Variants in DST observed in about 807,000 individuals in gnomAD.
DST encodes bullous pemphigoid antigen.
In DST, 253 loss-of-function variants were observed where a neutral mutation model predicts 875.2. That is an observed-to-expected ratio of 0.29 (90% CI 0.26 to 0.32). The LOEUF (loss-of-function observed/expected upper bound fraction) is 0.32, where lower values mean the gene tolerates loss of function less well. DST is among the 10% of genes least tolerant of loss of function. DST has a pLI of 1.00. For synonymous variants in DST, 3,124 were observed against 3,197.1 expected, an observed-to-expected ratio of 0.98 and a Z score of 0.77; for missense variants, 8,287 against 9,111.6, an observed-to-expected ratio of 0.91 and a Z score of 3.68.
In DST at chr6:56,843,647, C is replaced by T. The variant is rs1213940019; in HGVS notation, c.625+7750G>A. The T allele has an allele frequency of 5.1e-6, 5 of 983,276 alleles. No homozygotes were observed. In the Admixed American group the frequency reaches 1.9e-4, roughly 37 times the overall value. The allele number at this position is 983,276 out of a possible 1,614,324, so 60.9% of individuals were successfully genotyped here. On this transcript the variant is annotated intron_variant, in intron 4 of 103. Transcript: ENST00000680361. ...CCGGGGATGCTGCGCGGCGCATCTG[C>T]GGCATTTCCTGGCCGCCGCGCCGCA...
At position 56,572,193 on chromosome 6, in the gene DST, C is replaced by T. The variant is rs913085222; in HGVS notation, c.13628G>A (p.Ser4543Asn). Residue 4543 changes from serine (S) to asparagine (N), a missense_variant, in exon 53 of 104, where the codon AGC (serine) becomes AAC (asparagine). Physicochemically the swap from Ser to Asn is conservative, Grantham distance 46. Around this residue, in one of 10 missense-constraint regions of DST, gnomAD observed 1,513 missense variants for 1,677.8 expected, o/e 0.90. Transcript: ENST00000680361. ...VLHSLLKEIS[S>N]HGLPSDKALV... ...AGCCTTATCACTTGGTAAGCCATGG[C>T]TGGATATCTCCTTCAAGAGACTATG... is the stretch of plus-strand genomic sequence containing the variant. 4 of 1,568,764 alleles carry T rather than the reference C, an allele frequency of 2.5e-6. No individual in the cohort carries two copies. Among genetic ancestry groups the T allele is most frequent in the Non-Finnish European group, 3.5e-6 (4 of 1,156,320 alleles).
In DST at chr6:56,545,614, A is replaced by G. The variant is rs553437966; in HGVS notation, c.16608+6570T>C. On this transcript the variant is annotated intron_variant, in intron 61 of 103. Transcript: ENST00000680361. Reference sequence around the variant, plus strand: ...AAAAGTCTTCCCACTAAGTGCAACAATGTACATCATAGAAAAGTTTTATCA... The same window carrying G: ...AAAAGTCTTCCCACTAAGTGCAACAGTGTACATCATAGAAAAGTTTTATCA... Among the ~76,000 whole-genome samples the G allele has an allele frequency of 8.5e-5, 13 of 152,294 alleles. No homozygotes were observed. The South Asian group carries it at 2.7e-3, about 32-fold the overall frequency.
rs144070401 is a variant in DST, at chr6:56,892,467, C to T, written c.417+7954G>A. 1.2e-4 allele frequency among the ~76,000 whole-genome samples: 18 copies of T among 151,770 alleles called. 1 individual carries two copies. In the East Asian group the frequency reaches 3.3e-3, roughly 28 times the overall value. ...CCTCTCAAGTAGCTGGGACTACAGG[C>T]GTGCACCACCATGACTGGCTAATTT... On this transcript the variant is annotated intron_variant, in intron 3 of 103. Coordinates refer to ENST00000680361, the MANE Select transcript of DST (RefSeq NM_001374736.1).
intron 4 of DST, among the ~76,000 whole-genome samples, chr6:56,782,818 G>T (rs1407201421): frequency 6.6e-6 from 1 of 151,730 alleles, no homozygotes; most frequent in Non-Finnish European, 1.5e-5. Flanking sequence ...GTGATGTTAG[G>T]GTATCAATTT....
chr6:56,736,437 C>A (rs2099524233), intron 4 of DST, among the ~76,000 whole-genome samples: 1 of 152,228 alleles, frequency 6.6e-6, no homozygotes, highest in African/African-American at 2.4e-5. Context: ...ATTACACTAT[C>A]TTCTTCCTCC....
At chr6:56,538,733 T>G (rs2097064276) in intron 61 of DST, among the ~76,000 whole-genome samples, 1 of 152,126 alleles carries the variant, frequency 6.6e-6, no homozygotes, top group South Asian at 2.1e-4. Flanking sequence ...TATAGACAAT[T>G]TCCATACTGG....
At chr6:56,541,810 G>A (rs2097131173) in intron 61 of DST, among the ~76,000 whole-genome samples, 1 of 152,060 alleles carries the variant, frequency 6.6e-6, no homozygotes, top group African/African-American at 2.4e-5. Context: ...ACAATAAAGT[G>A]CATCAATAAC....
chr6:56,530,467 T>C (rs2096877028), intron 64 of DST, among the ~76,000 whole-genome samples: 1 of 152,204 alleles, frequency 6.6e-6, no homozygotes, highest in Non-Finnish European at 1.5e-5. Flanking sequence ...GTAAAATTTA[T>C]TGAACACATA....
intron 59 of DST, among the ~76,000 whole-genome samples, chr6:56,556,533 C>A (rs1267898483): frequency 6.6e-6 from 1 of 152,092 alleles, no homozygotes; most frequent in African/African-American, 2.4e-5. Flanking sequence ...CAGATATTTA[C>A]TTTTATCTTT....
chr6:56,584,769 T>C (rs1303499556), intron 49 of DST, among the ~76,000 whole-genome samples: 1 of 152,156 alleles, frequency 6.6e-6, no homozygotes, highest in African/African-American at 2.4e-5. Context: ...ATACGTCCCA[T>C]CAATACCTAA....
At position 56,607,646 on chromosome 6, in the gene DST, T is replaced by A. The variant is rs757052319; in HGVS notation, c.6982A>T (p.Ile2328Phe). Residue 2328 changes from isoleucine to phenylalanine, a missense_variant, in exon 40 of 104, where the codon ATT (isoleucine) becomes TTT (phenylalanine). Transcript: ENST00000680361. ...GGTGAACTGTTAACTTTAGGATCAA[T>A]TGATATTGTACTTGCCAGTTTTCCT... ...QSGKLASTISIDPKVNSSPSV... is the reference protein window; with the variant it reads ...QSGKLASTISFDPKVNSSPSV... 2 of 1,613,374 alleles carry A rather than the reference T, an allele frequency of 1.2e-6. No individual in the cohort carries two copies. Among genetic ancestry groups the A allele is most frequent in the Admixed American group, 3.3e-5 (2 of 59,884 alleles).
At chr6:56,559,656 T>C (rs1253659169) in intron 58 of DST, among the ~76,000 whole-genome samples, 1 of 152,126 alleles carries the variant, frequency 6.6e-6, no homozygotes, top group Non-Finnish European at 1.5e-5. Flanking sequence ...ACCGTTCTCT[T>C]ACACTCATTT....
intron 4 of DST, among the ~76,000 whole-genome samples, chr6:56,846,170 G>A (rs923334906): frequency 2.0e-5 from 3 of 152,166 alleles, no homozygotes; most frequent in Admixed American, 2.0e-4. Context: ...AGAACATCTG[G>A]CCATGGGTAA....
chr6:56,499,555 C>T (rs776667173), intron 80 of DST, among the ~76,000 whole-genome samples: 2 of 152,034 alleles, frequency 1.3e-5, no homozygotes, highest in Non-Finnish European at 2.9e-5. Flanking sequence ...AGGAAAGGAA[C>T]GGAAACATTC....
chr6:56,909,706 T>C (rs773029008), intron 2 of DST, among the ~76,000 whole-genome samples: 11 of 152,188 alleles, frequency 7.2e-5, no homozygotes, highest in Non-Finnish European at 1.5e-4. Flanking sequence ...ATTCATTAAG[T>C]CTGGGATAGG....
intron 5 of DST, among the ~76,000 whole-genome samples, chr6:56,716,610 G>C (rs999784609): frequency 6.6e-6 from 1 of 152,202 alleles, no homozygotes; most frequent in African/African-American, 2.4e-5. Flanking sequence ...AGCTACTCAT[G>C]AAACTGCCTT....
At chr6:56,633,501 C>T (rs1314415765) in intron 27 of DST, among the ~76,000 whole-genome samples, 1 of 151,666 alleles carries the variant, frequency 6.6e-6, no homozygotes, top group African/African-American at 2.4e-5. Flanking sequence ...GCTGGGATTA[C>T]AGGTGTGAGC....
chr6:56,648,730 T>C (rs1466160532), intron 12 of DST, 41 bp from the exon 13 acceptor site: 2 of 1,499,182 alleles, frequency 1.3e-6, no homozygotes, highest in African/African-American at 1.4e-5. Context: ...CATCTGTAGA[T>C]AATAACATTC....
intron 49 of DST, among the ~76,000 whole-genome samples, chr6:56,579,592 C>T (rs1321339048): frequency 6.6e-6 from 1 of 152,058 alleles, no homozygotes; most frequent in Non-Finnish European, 1.5e-5. Flanking sequence ...ATGAGGGCCA[C>T]CTCAATGGTA....
Sources: gnomAD v4.1 joint callset for allele counts (sites outside exome capture counted in the v4.1 genomes callset) on GRCh38, gnomAD v4.1.1 for gene constraint, gnomAD v4.1.1 regional missense constraint, MANE v1.5 for transcripts, NCBI Gene and HGNC (gene_info 2026-07-23, HGNC 2026-07-21) for gene names.